TGFBR3: variants seen among roughly 807,000 people sequenced by gnomAD.
The protein encoded by TGFBR3 is transforming growth factor beta receptor type 3.
In TGFBR3, 46 loss-of-function variants were observed where a neutral mutation model predicts 87.9. That is an observed-to-expected ratio of 0.52 (90% confidence interval 0.41 to 0.67). The LOEUF (loss-of-function observed/expected upper bound fraction) is 0.67, where lower values mean the gene tolerates loss of function less well. Among genes scored for constraint, TGFBR3 ranks in the 30% least tolerant of loss-of-function variants. The probability of loss-of-function intolerance (pLI) is 0.00; values close to 1 mark genes in which losing one functional copy is unlikely to be tolerated. For synonymous variants in TGFBR3, 381 were observed against 391.6 expected, an observed-to-expected ratio of 0.97 and a Z score of 0.32; for missense variants, 866 against 1,041.9, an observed-to-expected ratio of 0.83 and a Z score of 2.32.
intron 3 of TGFBR3, among the ~76,000 whole-genome samples, chr1:91,791,271 T>G (rs1201506967): frequency 6.6e-6 from 1 of 150,482 alleles, no homozygotes; most frequent in South Asian, 2.1e-4. Flanking sequence ...GGCCTGGGGG[T>G]GGGGGGAATG....
At position 91,856,290 on chromosome 1, in the gene TGFBR3, T is replaced by A. The variant is rs1438296608; in HGVS notation, c.61+5181A>T. Reference sequence around the variant, plus strand: ...ACCGTGTTAGCCAGGATGGTCTCAATCTCCTGACCTCGTAATCTGCCCGCC... The same window carrying A: ...ACCGTGTTAGCCAGGATGGTCTCAAACTCCTGACCTCGTAATCTGCCCGCC... On this transcript the variant is annotated intron_variant, in intron 2 of 16. Transcript: ENST00000212355. Among the ~76,000 whole-genome samples, 10 of 152,218 alleles carry A rather than the reference T, an allele frequency of 6.6e-5. No homozygotes were observed. In the South Asian group the frequency reaches 1.9e-3, roughly 28 times the overall value.
At chr1:91,715,543 A>G (rs1375909708) in intron 12 of TGFBR3, among the ~76,000 whole-genome samples, 2 of 152,254 alleles carry the variant, frequency 1.3e-5, no homozygotes, top group South Asian at 2.1e-4. Flanking sequence ...TGTTTGGCAC[A>G]TAATAAATCT....
chr1:91,740,452 C>T (rs1378404122), intron 4 of TGFBR3, among the ~76,000 whole-genome samples: 1 of 151,950 alleles, frequency 6.6e-6, no homozygotes, highest in Non-Finnish European at 1.5e-5. Context: ...GCAACCTCCA[C>T]CTCACGGGTT....
At chr1:91,741,880 C>A (rs547665154) in intron 4 of TGFBR3, among the ~76,000 whole-genome samples, 2 of 152,272 alleles carry the variant, frequency 1.3e-5, no homozygotes, top group South Asian at 4.1e-4. Flanking sequence ...TCCACACTGT[C>A]ACCTGGGTAA....
At chr1:91,876,662 C>T (rs756971946) in intron 1 of TGFBR3, among the ~76,000 whole-genome samples, 4 of 152,168 alleles carry the variant, frequency 2.6e-5, no homozygotes, top group Non-Finnish European at 5.9e-5. Flanking sequence ...TTACCAAAAA[C>T]ACAAGCTGGG....
At chr1:91,810,118 G>C (rs372783995) in intron 2 of TGFBR3, among the ~76,000 whole-genome samples, 4 of 152,224 alleles carry the variant, frequency 2.6e-5, no homozygotes, top group African/African-American at 9.6e-5. Flanking sequence ...GAGTACCATG[G>C]TGCGATCTGG....
intron 14 of TGFBR3, among the ~76,000 whole-genome samples, chr1:91,704,844 T>C (rs284873): frequency 0.1 from 15,559 of 152,268 alleles, 996 homozygotes; most frequent in East Asian, 0.26. Flanking sequence ...AACATTTTTA[T>C]AGTCTTGATT....
chr1:91,865,581 T>G (rs1186372787), intron 1 of TGFBR3, among the ~76,000 whole-genome samples: 1 of 152,220 alleles, frequency 6.6e-6, no homozygotes, highest in Non-Finnish European at 1.5e-5. Flanking sequence ...TTTGATGAAC[T>G]GAAGAACACT....
chr1:91,787,250 G>A (rs531172343), intron 3 of TGFBR3, among the ~76,000 whole-genome samples: 28 of 151,876 alleles, frequency 1.8e-4, no homozygotes, highest in African/African-American at 6.3e-4. Flanking sequence ...GCAGTGAGCC[G>A]AGGTCACGCC....
At chr1:91,802,503 G>A (rs1310934284) in intron 2 of TGFBR3, among the ~76,000 whole-genome samples, 1 of 151,922 alleles carries the variant, frequency 6.6e-6, no homozygotes, top group Non-Finnish European at 1.5e-5. Context: ...TAGGATTACA[G>A]GCGCCCGCCA....
At chr1:91,850,995 G>A (rs1446988256) in intron 2 of TGFBR3, among the ~76,000 whole-genome samples, 1 of 152,100 alleles carries the variant, frequency 6.6e-6, no homozygotes. Flanking sequence ...GCAAAACAAA[G>A]AACACAGAGC....
chr1:91,744,802 T>C (rs1475543866), intron 4 of TGFBR3, among the ~76,000 whole-genome samples: 1 of 152,220 alleles, frequency 6.6e-6, no homozygotes, highest in Admixed American at 6.5e-5. Context: ...AATGAGATTG[T>C]TTGAAGAACG....
At chr1:91,700,018 GA>G (rs1671567874) in intron 14 of TGFBR3, among the ~76,000 whole-genome samples, 1 of 152,194 alleles carries the variant, frequency 6.6e-6, no homozygotes, top group South Asian at 2.1e-4. Context: ...AAAATTATAT[GA>G]AATTCAAATT....
At chr1:91,752,708 C>T (rs1673590626) in intron 4 of TGFBR3, among the ~76,000 whole-genome samples, 1 of 148,898 alleles carries the variant, frequency 6.7e-6, no homozygotes, top group Non-Finnish European at 1.5e-5. Flanking sequence ...GTTTGGAATA[C>T]AAATAAAGCA....
In TGFBR3 at chr1:91,716,365, G is replaced by A; in HGVS notation, c.1737C>T (p.Asn579=). 1 of 1,614,154 alleles carries A rather than the reference G, an allele frequency of 6.2e-7. No homozygotes were observed. Among genetic ancestry groups the A allele is most frequent in the East Asian group, 2.2e-5 (1 of 44,870 alleles). ...VFNCSLQQVR[N]PSSFQEQPHG... is the part of the protein sequence containing the mutation. ...GGGGCTGTTCCTGGAAGCTGCTGGG[G>A]TTCCTCACCTGCTGAAGGCTGCAAT... Residue 579 remains asparagine (N), a synonymous_variant, in exon 12 of 17, where the codon AAC becomes AAT. Coordinates refer to ENST00000212355, the MANE Select transcript of TGFBR3 (RefSeq NM_003243.5).
chr1:91,848,369 C>T (rs1677590238), intron 2 of TGFBR3, among the ~76,000 whole-genome samples: 1 of 152,174 alleles, frequency 6.6e-6, no homozygotes, highest in African/African-American at 2.4e-5. Flanking sequence ...TAACAAGATC[C>T]CTGGGTGATT....
At chr1:91,798,634 G>A (rs80110571) in intron 2 of TGFBR3, among the ~76,000 whole-genome samples, 1 of 152,310 alleles carries the variant, frequency 6.6e-6, no homozygotes, top group African/African-American at 2.4e-5. Flanking sequence ...TTACATGATA[G>A]CCACTGGTGT....
chr1:91,726,897 A>G (rs1571446460), intron 7 of TGFBR3, among the ~76,000 whole-genome samples: 1 of 152,086 alleles, frequency 6.6e-6, no homozygotes, highest in Non-Finnish European at 1.5e-5. Context: ...AACTTTCAAT[A>G]TAATTCAGTC....
In TGFBR3 at chr1:91,729,898, G is replaced by T. The variant is rs766704525; in HGVS notation, c.644C>A (p.Pro215His). 1.9e-6 allele frequency: 3 copies of T among 1,614,152 alleles called. No individual in the cohort carries two copies. In the Admixed American group the frequency reaches 5.0e-5, roughly 27 times the overall value. ...SLNYLAEYLQPKAAEGCVMSS... is the reference protein window; with the variant it reads ...SLNYLAEYLQHKAAEGCVMSS... ...CATCACACACCCTTCTGCTGCTTTG[G>T]GTTGAAGGTACTCAGCAAGGTAATT... The change falls in exon 6 of 17, where the codon CCC becomes CAC. Residue 215 changes from proline to histidine, a missense_variant. By Grantham distance (77) the Pro-to-His change is moderately conservative. Coordinates refer to ENST00000212355, the MANE Select transcript of TGFBR3 (RefSeq NM_003243.5).
Sources: gnomAD v4.1 joint callset for allele counts (sites outside exome capture counted in the v4.1 genomes callset) on GRCh38, gnomAD v4.1.1 for gene constraint, MANE v1.5 for transcripts, NCBI Gene and HGNC (gene_info 2026-07-23, HGNC 2026-07-21) for gene names.